DGLUCY: variants seen among roughly 807,000 people sequenced by gnomAD.
The protein encoded by DGLUCY is D-glutamate cyclase, mitochondrial.
DGLUCY carries 58 observed loss-of-function variants against 58.5 expected under a neutral mutation model. The observed-to-expected ratio is 0.99, with a 90% CI of 0.80 to 1.23. The LOEUF is 1.23. DGLUCY is among the 50% of genes most tolerant of loss of function. The pLI, the probability that DGLUCY is intolerant of heterozygous loss-of-function variation, is 0.00. For synonymous variants in DGLUCY, 325 were observed against 314.1 expected (o/e 1.03, Z -0.37); for missense variants, 779 against 784.7 (o/e 0.99, Z 0.09).
intron 1 of DGLUCY, among the ~76,000 whole-genome samples, chr14:91,081,122 G>C (rs2044116807): frequency 6.6e-6 from 1 of 152,072 alleles, no homozygotes. Flanking sequence ...AGAATGGTGT[G>C]AACCCGGGAG....
chr14:91,150,421 A>G (rs764878495), intron 1 of DGLUCY, among the ~76,000 whole-genome samples: 4 of 152,090 alleles, frequency 2.6e-5, no homozygotes, highest in East Asian at 1.9e-4. Context: ...CACACCAACA[A>G]TTTGAAACTA....
intron 1 of DGLUCY, among the ~76,000 whole-genome samples, chr14:91,121,861 G>A (rs8010700): frequency 0.99 from 151,357 of 152,240 alleles, 75,250 homozygotes; most frequent in Middle Eastern, 1. Context: ...GGAATTAGAA[G>A]TAAGCATCTG....
At chr14:91,213,163 G>A (rs1170270773) in intron 12 of DGLUCY, among the ~76,000 whole-genome samples, 4 of 151,288 alleles carry the variant, frequency 2.6e-5, no homozygotes, top group East Asian at 2.0e-4. Context: ...AGCCAGGCAC[G>A]GTGACTCACA....
At chr14:91,118,900 T>C (rs1025704267) in intron 1 of DGLUCY, among the ~76,000 whole-genome samples, 9 of 152,120 alleles carry the variant, frequency 5.9e-5, no homozygotes, top group Non-Finnish European at 1.2e-4. Context: ...GGAGGATTGC[T>C]TGAACTTGGG....
chr14:91,122,440 A>G lies in DGLUCY; in HGVS notation c.-82+8157A>G, dbSNP rs1389246609. ...AGTGTTAGGATTACAGGCGTGAGCC[A>G]TTGTACCTTTAAAAGAAAAAAAGAA... On this transcript the variant is annotated intron_variant, in intron 1 of 13. Transcript: ENST00000256324. 2.6e-5 allele frequency among the ~76,000 whole-genome samples: 4 copies of G among 152,232 alleles called. No homozygotes were observed. The East Asian group carries it at 7.7e-4, about 29-fold the overall frequency.
Position 91,173,505 on chromosome 14 carries a change from C to T in DGLUCY, c.607+66C>T, listed in dbSNP as rs1453786026. ...ATGGGCAACCCAGGTCAGTGTCTCT[C>T]GCTCCTGCCCATGATCCCCCTGTTC... On this transcript the variant is annotated intron_variant, in intron 6 of 13. Transcript: ENST00000256324. 27 of 1,486,792 alleles carry T rather than the reference C, an allele frequency of 1.8e-5. No homozygotes were observed. In the East Asian group the frequency reaches 2.6e-4, roughly 14 times the overall value. 92.1% of individuals were successfully genotyped at this position (1,486,792 alleles called of 1,614,324 possible).
chr14:91,204,308 C>G (rs924172147), intron 11 of DGLUCY, among the ~76,000 whole-genome samples: 1 of 152,132 alleles, frequency 6.6e-6, no homozygotes. Context: ...TCAGCAGAAG[C>G]CTTTAAAGTA....
chr14:91,105,834 G>C (rs1209258841), upstream of DGLUCY, among the ~76,000 whole-genome samples: 2 of 152,110 alleles, frequency 1.3e-5, no homozygotes, highest in Admixed American at 6.6e-5. Context: ...CACAAACCTG[G>C]GTGGCATAGG....
chr14:91,175,840 G>C (rs2048822871), intron 6 of DGLUCY, 94 bp from the exon 7 acceptor site: 1 of 1,422,702 alleles, frequency 7.0e-7, no homozygotes, highest in Non-Finnish European at 9.8e-7. Context: ...TGCAATTTGA[G>C]TTTCTGTTTT....
chr14:91,122,263 C>G (rs2045415081), intron 1 of DGLUCY, among the ~76,000 whole-genome samples: 2 of 151,792 alleles, frequency 1.3e-5, no homozygotes, highest in Admixed American at 1.3e-4. Flanking sequence ...CTCCCGGGCT[C>G]CCACCTCAGT....
intron 1 of DGLUCY, chr14:91,115,268 GGAA>G (rs1172805849): frequency 6.5e-6 from 1 of 152,688 alleles, no homozygotes; most frequent in African/African-American, 2.4e-5. Context: ...GCCGAGAGTA[GGAA>G]GAAGAAAGAA....
chr14:91,171,992 A>C (rs906897146), intron 5 of DGLUCY, among the ~76,000 whole-genome samples: 10 of 152,098 alleles, frequency 6.6e-5, no homozygotes, highest in Non-Finnish European at 1.3e-4. Context: ...AGAAATTCAG[A>C]GGCTCCATGA....
In DGLUCY at chr14:91,178,812, C is replaced by G. The variant is rs562566891; in HGVS notation, c.731-2374C>G. On this transcript the variant is annotated intron_variant, in intron 7 of 13. Coordinates refer to ENST00000256324, the MANE Select transcript of DGLUCY (RefSeq NM_001102368.3). ...TTGGGAGGCTGAGGTGGTCGGATCA[C>G]TTGAGGTCAGGAGTTCAAGACCATC... Among the ~76,000 whole-genome samples the G allele has an allele frequency of 5.9e-5, 9 of 152,204 alleles. No homozygotes were observed. In the East Asian group the frequency reaches 9.7e-4, roughly 16 times the overall value.
chr14:91,179,265 A>C (rs994744035), intron 7 of DGLUCY, among the ~76,000 whole-genome samples: 1 of 152,262 alleles, frequency 6.6e-6, no homozygotes, highest in South Asian at 2.1e-4. Context: ...TGAGCTAGGC[A>C]TAAGGAACTA....
At chr14:91,203,447 C>T (rs2050693234) in intron 11 of DGLUCY, among the ~76,000 whole-genome samples, 1 of 152,228 alleles carries the variant, frequency 6.6e-6, no homozygotes, top group South Asian at 2.1e-4. Flanking sequence ...CAATGATGTA[C>T]CTGTTCCATA....
intron 1 of DGLUCY, among the ~76,000 whole-genome samples, chr14:91,081,458 T>C (rs2044126089): frequency 6.6e-6 from 1 of 152,220 alleles, no homozygotes; most frequent in Non-Finnish European, 1.5e-5. Flanking sequence ...AAGGGTGATA[T>C]TTTAGCAGGT....
chr14:91,073,724 G>A (rs189502605), intron 1 of DGLUCY, among the ~76,000 whole-genome samples: 9 of 152,130 alleles, frequency 5.9e-5, no homozygotes, highest in South Asian at 2.1e-4. Context: ...GTTAAGAGCC[G>A]CTCCCTTGCC....
chr14:91,222,528 C>A (rs1887667270), intron 13 of DGLUCY, among the ~76,000 whole-genome samples: 1 of 152,210 alleles, frequency 6.6e-6, no homozygotes, highest in Non-Finnish European at 1.5e-5. Context: ...GGACAAAGGA[C>A]ACATGTGAAA....
chr14:91,181,445 A>G (rs2049162410), intron 8 of DGLUCY, 56 bp downstream of exon 8: 1 of 1,533,666 alleles, frequency 6.5e-7, no homozygotes, highest in Non-Finnish European at 8.9e-7. Flanking sequence ...ACACATTTGC[A>G]CCTGGAGAAA....
Sources: allele counts gnomAD v4.1 joint callset (sites outside exome capture counted in the v4.1 genomes callset), GRCh38; gene constraint gnomAD v4.1.1; transcripts MANE v1.5; gene names NCBI Gene and HGNC (gene_info 2026-07-23, HGNC 2026-07-21).